Variants in SHB observed in about 807,000 individuals in gnomAD.
SHB encodes the protein SH2 domain-containing adapter protein B.
A neutral mutation model predicts 52.3 loss-of-function variants in SHB; 20 were observed. The observed-to-expected ratio is 0.38, with a 90% CI of 0.27 to 0.56. SHB has a LOEUF of 0.56. Ranked by LOEUF, SHB falls within the 20% of genes least tolerant of loss-of-function variation. The pLI is 0.71. For missense variants in SHB, 825 were observed against 723.3 expected, an observed-to-expected ratio of 1.14 and a Z score of -1.61; for synonymous variants, 397 against 316.5, an observed-to-expected ratio of 1.25 and a Z score of -2.70.
intron 3 of SHB, among the ~76,000 whole-genome samples, chr9:37,962,795 G>A (rs1253756156): frequency 1.3e-5 from 2 of 152,058 alleles, no homozygotes; most frequent in African/African-American, 2.4e-5. Context: ...TTATAGGAAG[G>A]AGCCACTATG....
At chr9:38,044,960 T>C (rs1447490521) in intron 1 of SHB, among the ~76,000 whole-genome samples, 4 of 152,104 alleles carry the variant, frequency 2.6e-5, no homozygotes, top group Non-Finnish European at 4.4e-5. Context: ...GCCTCCCAAA[T>C]GGCAGGACAG....
chr9:37,931,785 G>A (rs1029413097), intron 5 of SHB, among the ~76,000 whole-genome samples: 1 of 152,154 alleles, frequency 6.6e-6, no homozygotes, highest in African/African-American at 2.4e-5. Context: ...AAAGACATCT[G>A]CACTCCATGT....
At chr9:37,954,991 G>A (rs929875849) in intron 4 of SHB, among the ~76,000 whole-genome samples, 5 of 152,112 alleles carry the variant, frequency 3.3e-5, no homozygotes, top group Admixed American at 1.3e-4. Context: ...ATGGGACTTG[G>A]CCACTGACTG....
intron 2 of SHB, among the ~76,000 whole-genome samples, chr9:38,001,208 C>T (rs1262355239): frequency 6.6e-6 from 1 of 152,230 alleles, no homozygotes; most frequent in African/African-American, 2.4e-5. Flanking sequence ...CCCCTTTCTC[C>T]TCTGAAAGGC....
chr9:38,008,606 G>A (rs1222710519), intron 2 of SHB, among the ~76,000 whole-genome samples: 1 of 152,240 alleles, frequency 6.6e-6, no homozygotes, highest in African/African-American at 2.4e-5. Context: ...GACTTGCCCT[G>A]TGGCTTGCTG....
At chr9:38,027,456 A>G (rs890200201) in intron 1 of SHB, among the ~76,000 whole-genome samples, 5 of 152,172 alleles carry the variant, frequency 3.3e-5, no homozygotes, top group African/African-American at 1.2e-4. Context: ...TATCCTCTAG[A>G]GGCCACAGGC....
rs138974933 is a variant in SHB at position 37,932,230 on chromosome 9, G to A, written c.1347-12226C>T. Among the ~76,000 whole-genome samples, 105 of 134,238 alleles carry A rather than the reference G, an allele frequency of 7.8e-4. 1 individual carries two copies. In the East Asian group the frequency reaches 0.02, roughly 25 times the overall value. 88.1% of individuals were successfully genotyped at this position (134,238 alleles called of 152,430 possible). A position where few individuals can be genotyped will look rare whatever the true frequency, so the allele number is the denominator to read the frequency against. ...CCAGGAGGCAGTGAGCCAAGATCGC[G>A]CCACTGCACTCCAGCCTAGGTAACA... On this transcript the variant is annotated intron_variant, in intron 5 of 5. Coordinates refer to ENST00000377707, the MANE Select transcript of SHB (RefSeq NM_003028.3).
intron 1 of SHB, among the ~76,000 whole-genome samples, chr9:38,027,617 T>G (rs1024177127): frequency 7.3e-5 from 11 of 150,532 alleles, no homozygotes; most frequent in African/African-American, 2.4e-4. Context: ...CAGCTACCCA[T>G]GGTGGGCAAC....
intron 1 of SHB, among the ~76,000 whole-genome samples, chr9:38,050,180 T>C (rs1486592586): frequency 6.6e-6 from 1 of 152,230 alleles, no homozygotes; most frequent in Non-Finnish European, 1.5e-5. Context: ...CACCTGTCAA[T>C]GTCTTGACCA....
chr9:37,918,799 T>TG lies in SHB; in HGVS notation c.*1021dup, dbSNP rs1227337567. Among the ~76,000 whole-genome samples the TG allele has an allele frequency of 3.3e-5, 5 of 151,988 alleles. No homozygotes were observed. Among genetic ancestry groups the TG allele is most frequent in the East Asian group, 3.9e-4 (2 of 5,184 alleles). ...CCAGCTGGGTGCTGTGTCCAGGGGT[T>TG]GGGGGGGTGTCAACACAGACGTCCC... On this transcript the variant is annotated 3_prime_UTR_variant, in exon 6 of 6. Transcript: ENST00000377707.
chr9:38,006,651 G>A (rs1379346089), intron 2 of SHB, among the ~76,000 whole-genome samples: 1 of 152,220 alleles, frequency 6.6e-6, no homozygotes, highest in African/African-American at 2.4e-5. Flanking sequence ...GGAAAGACAA[G>A]GAGTTAGGGA....
intron 2 of SHB, among the ~76,000 whole-genome samples, chr9:38,000,557 T>C (rs1206848554): frequency 6.6e-6 from 1 of 152,222 alleles, no homozygotes; most frequent in Non-Finnish European, 1.5e-5. Context: ...TCCTCTGCAC[T>C]GTGTGCTGAT....
chr9:38,030,953 CA>C (rs138307837), intron 1 of SHB, among the ~76,000 whole-genome samples: 65 of 144,824 alleles, frequency 4.5e-4, no homozygotes, highest in African/African-American at 1.1e-3. Context: ...AAAAATTATA[CA>C]AAAAAAAAAG....
At chr9:37,994,423 G>A (rs893201364) in intron 2 of SHB, among the ~76,000 whole-genome samples, 10 of 152,198 alleles carry the variant, frequency 6.6e-5, no homozygotes, top group African/African-American at 2.4e-4. Context: ...CTTCCCATTT[G>A]ATTCCACATA....
rs1437135659 is a variant in SHB, at chr9:38,005,711, G to C, written c.838+10300C>G. 3.3e-5 allele frequency among the ~76,000 whole-genome samples: 5 copies of C among 152,294 alleles called. No individual in the cohort carries two copies. The East Asian group carries it at 5.8e-4, about 18-fold the overall frequency. ...ATCTCTGTAAGTTTCCAGAAAGCCA[G>C]CCTGAGCCCTACTTAGAGGAGAGTA... is the stretch of plus-strand genomic sequence containing the variant. On this transcript the variant is annotated intron_variant, in intron 2 of 5. Transcript: ENST00000377707.
At chr9:37,966,666 G>A (rs1486647622) in intron 3 of SHB, among the ~76,000 whole-genome samples, 1 of 152,244 alleles carries the variant, frequency 6.6e-6, no homozygotes, top group Non-Finnish European at 1.5e-5. Flanking sequence ...CTATACAGGG[G>A]ACAGGAAGCA....
At chr9:38,020,256 AG>A (rs1234856477) in intron 1 of SHB, among the ~76,000 whole-genome samples, 2 of 152,252 alleles carry the variant, frequency 1.3e-5, no homozygotes, top group Non-Finnish European at 2.9e-5. Flanking sequence ...TTGGTACAGT[AG>A]ACAGAATGTT....
intron 2 of SHB, among the ~76,000 whole-genome samples, chr9:38,014,802 G>T (rs1455154229): frequency 6.6e-6 from 1 of 152,226 alleles, no homozygotes; most frequent in Non-Finnish European, 1.5e-5. Context: ...CCTAGAAGGT[G>T]CACCCAGATC....
At chr9:37,936,172 C>T (rs753310844) in intron 5 of SHB, among the ~76,000 whole-genome samples, 2 of 152,070 alleles carry the variant, frequency 1.3e-5, no homozygotes, top group African/African-American at 2.4e-5. Context: ...GCCGAGATAG[C>T]GCCATTGCAC....
Sources: gnomAD v4.1 joint callset for allele counts (sites outside exome capture counted in the v4.1 genomes callset) on GRCh38, gnomAD v4.1.1 for gene constraint, MANE v1.5 for transcripts, NCBI Gene and HGNC (gene_info 2026-07-23, HGNC 2026-07-21) for gene names.